KCNIP4: variants seen among roughly 807,000 people sequenced by gnomAD.
KCNIP4 encodes the protein Kv channel-interacting protein 4.
KCNIP4 carries 12 observed loss-of-function variants against 34.0 expected under a neutral mutation model. That is an observed-to-expected ratio of 0.35 (90% CI 0.23 to 0.57). The LOEUF is 0.57. Ranked by LOEUF, KCNIP4 falls within the 20% of genes least tolerant of loss-of-function variation. The probability of loss-of-function intolerance (pLI) is 0.83; values close to 1 mark genes in which losing one functional copy is unlikely to be tolerated. For missense variants in KCNIP4, 238 were observed against 311.7 expected, an observed-to-expected ratio of 0.76 and a Z score of 1.78; for synonymous variants, 124 against 102.2, an observed-to-expected ratio of 1.21 and a Z score of -1.29.
chr4:20,928,973 A>G (rs759240374), intron 1 of KCNIP4, among the ~76,000 whole-genome samples: 1 of 151,990 alleles, frequency 6.6e-6, no homozygotes, highest in Non-Finnish European at 1.5e-5. Context: ...TCAAAGAAGT[A>G]TTACCAATAT....
chr4:21,022,582 C>G (rs1740170719), intron 1 of KCNIP4, among the ~76,000 whole-genome samples: 1 of 152,178 alleles, frequency 6.6e-6, no homozygotes, highest in Non-Finnish European at 1.5e-5. Context: ...GAATTTAAAT[C>G]TAGAATTAGA....
intron 3 of KCNIP4, among the ~76,000 whole-genome samples, chr4:20,795,769 A>T (rs897934221): frequency 6.6e-6 from 1 of 152,204 alleles, no homozygotes; most frequent in Admixed American, 6.5e-5. Context: ...GCAATAACAG[A>T]TCTATTGTCA....
chr4:21,151,379 T>C (rs1408022241), intron 1 of KCNIP4, among the ~76,000 whole-genome samples: 3 of 147,832 alleles, frequency 2.0e-5, no homozygotes, highest in South Asian at 2.2e-4. Flanking sequence ...CTAAATACCA[T>C]AGAATGGATG....
intron 1 of KCNIP4, among the ~76,000 whole-genome samples, chr4:21,692,406 G>C (rs532312794): frequency 2.0e-5 from 3 of 152,266 alleles, no homozygotes; most frequent in African/African-American, 7.2e-5. Context: ...CCCCACAAAC[G>C]TCCCTTTAAT....
At chr4:21,925,832 G>T (rs564413238) in intron 1 of KCNIP4, among the ~76,000 whole-genome samples, 104 of 152,250 alleles carry the variant, frequency 6.8e-4, no homozygotes, top group Middle Eastern at 6.8e-3. Flanking sequence ...TCCAGTGTCT[G>T]GCATATAATT....
At chr4:20,893,115 C>A (rs979778391) in intron 1 of KCNIP4, among the ~76,000 whole-genome samples, 2 of 152,166 alleles carry the variant, frequency 1.3e-5, no homozygotes, top group African/African-American at 4.8e-5. Context: ...TATGTTCATG[C>A]AATATTAGCA....
chr4:20,920,409 T>C (rs1729277609), intron 1 of KCNIP4, among the ~76,000 whole-genome samples: 1 of 152,254 alleles, frequency 6.6e-6, no homozygotes, highest in African/African-American at 2.4e-5. Context: ...ACTTCTCATC[T>C]TGAAAGGCTT....
intron 1 of KCNIP4, among the ~76,000 whole-genome samples, chr4:21,896,271 C>G (rs548385247): frequency 5.5e-4 from 83 of 152,150 alleles, no homozygotes; most frequent in South Asian, 2.9e-3. Context: ...GACATTGAAC[C>G]CTATTAATAA....
intron 1 of KCNIP4, among the ~76,000 whole-genome samples, chr4:21,710,631 C>T (rs1210705288): frequency 3.3e-5 from 5 of 152,126 alleles, no homozygotes; most frequent in Non-Finnish European, 7.3e-5. Flanking sequence ...CCAACATGTG[C>T]CTGGAAGAGG....
At chr4:21,820,010 T>C (rs1224518510) in intron 1 of KCNIP4, among the ~76,000 whole-genome samples, 3 of 151,990 alleles carry the variant, frequency 2.0e-5, no homozygotes, top group African/African-American at 7.2e-5. Flanking sequence ...TATCTAAATG[T>C]CCTCTGAGTA....
intron 1 of KCNIP4, among the ~76,000 whole-genome samples, chr4:21,088,968 T>G (rs76688395): frequency 0.011 from 1,655 of 152,338 alleles, 24 homozygotes; most frequent in African/African-American, 0.038. Context: ...GTGAAATGAA[T>G]AAATATTTTG....
chr4:21,912,787 T>C (rs558339422), intron 1 of KCNIP4, among the ~76,000 whole-genome samples: 1 of 150,610 alleles, frequency 6.6e-6, no homozygotes, highest in East Asian at 1.9e-4. Context: ...AGACAGATCA[T>C]ATATTACATT....
At chr4:21,863,535 T>C (rs958325062) in intron 1 of KCNIP4, among the ~76,000 whole-genome samples, 1 of 152,272 alleles carries the variant, frequency 6.6e-6, no homozygotes, top group East Asian at 1.9e-4. Flanking sequence ...GGGAAGGTAT[T>C]GCTTCTCTTT....
At chr4:21,073,878 G>A (rs1313282300) in intron 1 of KCNIP4, among the ~76,000 whole-genome samples, 4 of 152,078 alleles carry the variant, frequency 2.6e-5, no homozygotes, top group East Asian at 1.9e-4. Context: ...GGCCTTTTCT[G>A]CATCTATTGA....
At chr4:21,375,707 C>G (rs898271429) in intron 1 of KCNIP4, among the ~76,000 whole-genome samples, 2 of 152,036 alleles carry the variant, frequency 1.3e-5, no homozygotes, top group Non-Finnish European at 2.9e-5. Context: ...GCTGGGACTA[C>G]AGGCGCCTGC....
intron 1 of KCNIP4, among the ~76,000 whole-genome samples, chr4:21,596,837 A>G (rs1470452588): frequency 6.6e-6 from 1 of 152,032 alleles, no homozygotes; most frequent in Admixed American, 6.6e-5. Flanking sequence ...CGAGGAAAGG[A>G]CCAAGATATT....
At chr4:21,587,577 C>T (rs1741732501) in intron 1 of KCNIP4, among the ~76,000 whole-genome samples, 1 of 151,900 alleles carries the variant, frequency 6.6e-6, no homozygotes, top group African/African-American at 2.4e-5. Context: ...AAAACCACAA[C>T]AGTAATAATG....
intron 1 of KCNIP4, among the ~76,000 whole-genome samples, chr4:20,986,205 G>A (rs1284207043): frequency 6.6e-6 from 1 of 152,122 alleles, no homozygotes; most frequent in Admixed American, 6.5e-5. Flanking sequence ...TTTTTCCCAT[G>A]AAGACCTGCT....
intron 3 of KCNIP4, among the ~76,000 whole-genome samples, chr4:20,823,172 T>C (rs545935349): frequency 4.6e-5 from 7 of 152,234 alleles, no homozygotes; most frequent in Admixed American, 3.3e-4. Flanking sequence ...AGTATTTTGT[T>C]ATAGCATCAG....
Sources: gnomAD v4.1 joint callset for allele counts (sites outside exome capture counted in the v4.1 genomes callset) on GRCh38, gnomAD v4.1.1 for gene constraint, MANE v1.5 for transcripts, NCBI Gene and HGNC (gene_info 2026-07-23, HGNC 2026-07-21) for gene names.